CYP27B1: variants seen among roughly 807,000 people sequenced by gnomAD.
CYP27B1 encodes the protein 25-hydroxyvitamin D-1 alpha hydroxylase, mitochondrial.
In CYP27B1, 46 loss-of-function variants were observed where a neutral mutation model predicts 54.8. The observed-to-expected ratio is 0.84, with a 90% CI of 0.66 to 1.07. The LOEUF (loss-of-function observed/expected upper bound fraction) is 1.07. CYP27B1 is among the 50% of genes least tolerant of loss of function. CYP27B1 has a pLI of 0.00. For synonymous variants in CYP27B1, 292 were observed against 297.3 expected, an observed-to-expected ratio of 0.98 and a Z score of 0.18; for missense variants, 674 against 692.2, an observed-to-expected ratio of 0.97 and a Z score of 0.30.
At chr12:57,764,069 A>G (rs775212158) in intron 7 of CYP27B1, 29 bp downstream of exon 7, 5 of 1,554,292 alleles carry the variant, frequency 3.2e-6, no homozygotes, top group Middle Eastern at 1.7e-4. Flanking sequence ...GGAATGGCTC[A>G]GTAGAAAGGG....
rs2140397485 is a variant in CYP27B1 at position 57,765,856 on chromosome 12, T to C, written c.386+151A>G. 3 of 1,393,688 alleles carry C rather than the reference T, an allele frequency of 2.2e-6. No homozygotes were observed. Among genetic ancestry groups the C allele is most frequent in the Non-Finnish European group, 2.8e-6 (3 of 1,061,316 alleles). 86.3% of individuals were successfully genotyped at this position (1,393,688 alleles called of 1,614,324 possible). On this transcript the variant is annotated intron_variant, in intron 2 of 8. Coordinates refer to ENST00000228606, the MANE Select transcript of CYP27B1 (RefSeq NM_000785.4). This position sits in a 1 kb window ranked among gnomAD's most constrained non-coding sequence, Gnocchi z 5.8. ...GGTTGGGGCTCAACCTGAGTGTGGGTGAAGCAGACTGGGATGGGAACCCCA... is the reference window on the plus strand; with the variant it reads ...GGTTGGGGCTCAACCTGAGTGTGGGCGAAGCAGACTGGGATGGGAACCCCA...
In CYP27B1 at chr12:57,766,185, C is replaced by G; in HGVS notation, c.208G>C (p.Ala70Pro). 6.5e-7 allele frequency: 1 copy of G among 1,539,410 alleles called. No homozygotes were observed. The highest frequency in any genetic ancestry group is 8.8e-7 in the Non-Finnish European group (1 of 1,142,652). Residue 70 changes from alanine to proline, a missense_variant, in exon 2 of 9, where the codon GCG becomes CCG. Ala to Pro is a conservative substitution (Grantham distance 27). Coordinates refer to ENST00000228606, the MANE Select transcript of CYP27B1 (RefSeq NM_000785.4). The part of the protein sequence containing the change: ...RLHELQVQGA[A>P]HFGPVWLASF... ...GCTAGCCACACCGGCCCGAAGTGCGCGGCGCCCTGCACCTGGGGGAGCGGA... is the reference window on the plus strand; with the variant it reads ...GCTAGCCACACCGGCCCGAAGTGCGGGGCGCCCTGCACCTGGGGGAGCGGA...
Position 57,762,428 on chromosome 12 carries a change from G to A in CYP27B1, c.*714C>T, listed in dbSNP as rs1453622760. The A allele has an allele frequency of 6.6e-6, 1 of 152,420 alleles. No individual in the cohort carries two copies. The highest frequency in any genetic ancestry group is 1.5e-5 in the Non-Finnish European group (1 of 68,180). 9.4% of individuals were successfully genotyped at this position (152,420 alleles called of 1,614,324 possible). On this transcript the variant is annotated 3_prime_UTR_variant, in exon 9 of 9. Transcript: ENST00000228606. ...AGGCCTGGGCAGGGACAGGCCCAAA[G>A]ATGTCTCTGCCTGAGAACTAAGTGA...
Position 57,765,637 on chromosome 12 carries a change from C to T in CYP27B1, c.387-138G>A. The T allele has an allele frequency of 1.0e-6, 1 of 992,284 alleles. No homozygotes were observed. Among genetic ancestry groups the T allele is most frequent in the Non-Finnish European group, 1.6e-6 (1 of 637,986 alleles). 61.5% of individuals were successfully genotyped at this position (992,284 alleles called of 1,614,324 possible). A position where few individuals can be genotyped will look rare whatever the true frequency, so the allele number is the denominator to read the frequency against. On this transcript the variant is annotated intron_variant, in intron 2 of 8. Coordinates refer to ENST00000228606, the MANE Select transcript of CYP27B1 (RefSeq NM_000785.4). This position sits in a 1 kb window ranked among gnomAD's most constrained non-coding sequence, Gnocchi z 5.8. Reference sequence around the variant, plus strand: ...CCCCTTGGGGTACGGAAACCTGCACCGGCCTGCGCCTGTCTTCCAGCCCCC... The same window carrying T: ...CCCCTTGGGGTACGGAAACCTGCACTGGCCTGCGCCTGTCTTCCAGCCCCC...
Position 57,764,365 on chromosome 12 carries a change from C to T in CYP27B1, c.1136+13G>A. The T allele has an allele frequency of 6.2e-7, 1 of 1,614,194 alleles. No individual in the cohort carries two copies. Among genetic ancestry groups the T allele is most frequent in the African/African-American group, 1.3e-5 (1 of 75,056 alleles). ...TGGCATTTCCTCTTGTTCCTCCTCT[C>T]CTTCCCCCTCACCTTAGCACTTCCT... is the stretch of plus-strand genomic sequence containing the variant. On this transcript the variant is annotated intron_variant, in intron 6 of 8. Transcript: ENST00000228606.
At chr12:57,763,912 G>A (rs1217907300) in intron 7 of CYP27B1, 104 bp from the exon 8 acceptor site, 2 of 1,262,364 alleles carry the variant, frequency 1.6e-6, no homozygotes, top group Non-Finnish European at 2.3e-6. Flanking sequence ...GTGGGTGATG[G>A]GGAAGTTTTC....
At position 57,765,474 on chromosome 12, in the gene CYP27B1, G is replaced by A; in HGVS notation, c.412C>T (p.Arg138Cys). The A allele has an allele frequency of 4.3e-6, 7 of 1,612,116 alleles. No homozygotes were observed. Among genetic ancestry groups the A allele is most frequent in the Non-Finnish European group, 5.9e-6 (7 of 1,179,366 alleles). ...TAEGEEWQRLRSLLAPLLLRP... is the reference protein window; with the variant it reads ...TAEGEEWQRLCSLLAPLLLRP... ...AGGAGGAGCGGGGCCAGGAGACTGC[G>A]GAGCCTTTGCCATTCTTCGCCTTCC... The change falls in exon 3 of 9, where the codon CGC (arginine) becomes TGC (cysteine). Residue 138 changes from arginine to cysteine, a missense_variant. Arg to Cys is a radical substitution (Grantham distance 180, BLOSUM62 -3). Transcript: ENST00000228606. This position sits in a 1 kb window ranked among gnomAD's most constrained non-coding sequence, Gnocchi z 5.8.
In CYP27B1 at chr12:57,765,430, G is replaced by A. The variant is rs755878350; in HGVS notation, c.456C>T (p.Ala152=). 5 of 1,612,848 alleles carry A rather than the reference G, an allele frequency of 3.1e-6. No individual in the cohort carries two copies. The highest frequency in any genetic ancestry group is 1.1e-5 in the South Asian group (1 of 90,862). ...CGTTGTTCAGGGTTCCGGCGTAGCG[G>A]GCGGCCGCTTGAGGCCGGAGGAGGA... The part of the protein sequence containing the change: ...APLLLRPQAA[A]RYAGTLNNVV... The change falls in exon 3 of 9, where the codon GCC becomes GCT. Residue 152 remains alanine (A), a synonymous_variant. Coordinates refer to ENST00000228606, the MANE Select transcript of CYP27B1 (RefSeq NM_000785.4). This position sits in a 1 kb window ranked among gnomAD's most constrained non-coding sequence, Gnocchi z 5.8.
chr12:57,764,924 G>C lies in CYP27B1; in HGVS notation c.793C>G (p.Gln265Glu). ...GCCTCTCGCCGCTCCACGTGCCTCT[G>C]AGCTGCGTGGGTAGAAGGCACGTGA... ...RDWDQMFAFA[Q>E]RHVERREAEA... The change falls in exon 5 of 9, where the codon CAG (glutamine) becomes GAG (glutamate). Residue 265 changes from glutamine to glutamate, a missense_variant and splice_region_variant. Physicochemically the swap from Gln to Glu is conservative, Grantham distance 29 (BLOSUM62 2). Coordinates refer to ENST00000228606, the MANE Select transcript of CYP27B1 (RefSeq NM_000785.4). The C allele has an allele frequency of 1.2e-6, 2 of 1,614,122 alleles. No individual in the cohort carries two copies. Among genetic ancestry groups the C allele is most frequent in the Non-Finnish European group, 1.7e-6 (2 of 1,180,026 alleles).
At position 57,765,276 on chromosome 12, in the gene CYP27B1, C is replaced by T; in HGVS notation, c.589+21G>A. On this transcript the variant is annotated intron_variant, in intron 3 of 8. Coordinates refer to ENST00000228606, the MANE Select transcript of CYP27B1 (RefSeq NM_000785.4). The surrounding 1 kb of genome is among the most constrained non-coding windows in gnomAD (Gnocchi z 5.8). Reference sequence around the variant, plus strand: ...TGGTAGGGCGCCCCCGACGCCTGCCCAGCTCTGTCCTGGGACTCACCTTCC... The same window carrying T: ...TGGTAGGGCGCCCCCGACGCCTGCCTAGCTCTGTCCTGGGACTCACCTTCC... 6.2e-7 allele frequency: 1 copy of T among 1,612,478 alleles called. No homozygotes were observed. Among genetic ancestry groups the T allele is most frequent in the Admixed American group, 1.7e-5 (1 of 59,958 alleles).
rs1242365448 is a variant in CYP27B1 at position 57,764,461 on chromosome 12, C to T, written c.1053G>A (p.Leu351=). Residue 351 remains leucine, a synonymous_variant, in exon 6 of 9, where the codon CTG becomes CTA. Transcript: ENST00000228606. ...AGGGGTAGGCACTGGAGCCAGGGCT[C>T]AGGGCAGCTGTGATCTCTGAGTGGA... ...TALHSEITAA[L]SPGSSAYPSA... 5 of 1,614,220 alleles carry T rather than the reference C, an allele frequency of 3.1e-6. No individual in the cohort carries two copies. Among genetic ancestry groups the T allele is most frequent in the African/African-American group, 1.3e-5 (1 of 75,056 alleles).
Position 57,764,942 on chromosome 12 carries a change from G to A in CYP27B1, c.791-16C>T, listed in dbSNP as rs779295082. ...TGCCTCTGAGCTGCGTGGGTAGAAGGCACGTGAATACCTCGCTACCCCTGG... is the reference window on the plus strand; with the variant it reads ...TGCCTCTGAGCTGCGTGGGTAGAAGACACGTGAATACCTCGCTACCCCTGG... On this transcript the variant is annotated splice_polypyrimidine_tract_variant and intron_variant, in intron 4 of 8. Coordinates refer to ENST00000228606, the MANE Select transcript of CYP27B1 (RefSeq NM_000785.4). 10 of 1,613,986 alleles carry A rather than the reference G, an allele frequency of 6.2e-6. No homozygotes were observed. The Admixed American group carries it at 1.7e-4, about 27-fold the overall frequency.
chr12:57,764,559 CAT>C lies in CYP27B1; in HGVS notation c.964-11_964-10del. 6.2e-7 allele frequency: 1 copy of C among 1,613,902 alleles called. No individual in the cohort carries two copies. The highest frequency in any genetic ancestry group is 1.3e-5 in the African/African-American group (1 of 75,046). On this transcript the variant is annotated splice_polypyrimidine_tract_variant and intron_variant, in intron 5 of 8. Coordinates refer to ENST00000228606, the MANE Select transcript of CYP27B1 (RefSeq NM_000785.4). ...GAGAGCGTGTTGGACACCTGAAAAA[CAT>C]GTGAAAGCAAGAGAGGTGTTGGGTG... is the stretch of plus-strand genomic sequence containing the variant.
intron 7 of CYP27B1, 132 bp from the exon 8 acceptor site, chr12:57,763,940 G>T: frequency 1.8e-6 from 2 of 1,090,640 alleles, no homozygotes; most frequent in Non-Finnish European, 2.8e-6. Flanking sequence ...ACTTTTGGAA[G>T]GATCTCCCCA....
Position 57,766,996 on chromosome 12 carries a change from G to T in CYP27B1, c.46C>A (p.Arg16Ser), listed in dbSNP as rs1461772648. 2.5e-6 allele frequency: 4 copies of T among 1,614,076 alleles called. No individual in the cohort carries two copies. In the South Asian group the frequency reaches 4.4e-5, roughly 18 times the overall value. ...GAGGCGCCCAACTCGGGCGCCCAGC[G>T]GACGCGATGGAACACTCTGGAGGCG... ...KYASRVFHRV[R>S]WAPELGASLG... The change falls in exon 1 of 9, where the codon CGC (arginine) becomes AGC (serine). Residue 16 changes from arginine to serine, a missense_variant. Transcript: ENST00000228606.
Position 57,765,231 on chromosome 12 carries a change from G to A in CYP27B1, c.590-20C>T, listed in dbSNP as rs2043970290. On this transcript the variant is annotated intron_variant, in intron 3 of 8. Coordinates refer to ENST00000228606, the MANE Select transcript of CYP27B1 (RefSeq NM_000785.4). This position sits in a 1 kb window ranked among gnomAD's most constrained non-coding sequence, Gnocchi z 5.8. ...CGATGCCTTGTCGGGAGGGGGCGCCGTCAGGGTTCCGGGAGGCTCTGGTAG... is the reference window on the plus strand; with the variant it reads ...CGATGCCTTGTCGGGAGGGGGCGCCATCAGGGTTCCGGGAGGCTCTGGTAG... The A allele has an allele frequency of 1.2e-6, 2 of 1,611,264 alleles. No individual in the cohort carries two copies. Among genetic ancestry groups the A allele is most frequent in the African/African-American group, 1.3e-5 (1 of 74,896 alleles).
intron 5 of CYP27B1, 23 bp from the exon 6 acceptor site, chr12:57,764,573 A>G (rs755816133): frequency 2.2e-5 from 35 of 1,613,462 alleles, no homozygotes; most frequent in Non-Finnish European, 2.9e-5. Context: ...TGAAAGCAAG[A>G]GAGGTGTTGG....
chr12:57,762,568 A>G lies in CYP27B1; in HGVS notation c.*574T>C, dbSNP rs1172376306. The G allele has an allele frequency of 5.8e-6, 1 of 172,544 alleles. No individual in the cohort carries two copies. Among genetic ancestry groups the G allele is most frequent in the Non-Finnish European group, 1.3e-5 (1 of 78,512 alleles). The allele number at this position is 172,544 out of a possible 1,614,324, so 10.7% of individuals were successfully genotyped here. ...GCAAGACAAAGAAGGAAGGGGGTAG[A>G]CAGAGCCTACTAAGTAAGCTGCTTA... On this transcript the variant is annotated 3_prime_UTR_variant, in exon 9 of 9. Coordinates refer to ENST00000228606, the MANE Select transcript of CYP27B1 (RefSeq NM_000785.4).
rs771410002 is a variant in CYP27B1, at chr12:57,766,021, G to C, written c.372C>G (p.Cys124Trp). Residue 124 changes from cysteine to tryptophan, a missense_variant, in exon 2 of 9, where the codon TGC (cysteine) becomes TGG (tryptophan). Coordinates refer to ENST00000228606, the MANE Select transcript of CYP27B1 (RefSeq NM_000785.4). The stretch of plus-strand genomic sequence containing the variant: ...AGAAGACTCACGCAGTGAGCAGTCC[G>C]CAAGCCCGCTGGCGGCAGCGGCGGT... ...TEHRRCRQRACGLLTAEGEEW... is the reference protein window; with the variant it reads ...TEHRRCRQRAWGLLTAEGEEW... 1 of 1,571,294 alleles carries C rather than the reference G, an allele frequency of 6.4e-7. No homozygotes were observed. The highest frequency in any genetic ancestry group is 1.8e-5 in the Admixed American group (1 of 54,328).
Sources: gnomAD v4.1 joint callset for allele counts on GRCh38, gnomAD v4.1.1 for gene constraint, Gnocchi (gnomAD v3.1) non-coding constraint, MANE v1.5 for transcripts, NCBI Gene and HGNC (gene_info 2026-07-23, HGNC 2026-07-21) for gene names.